CLSTN2: variants seen among roughly 807,000 people sequenced by gnomAD.
CLSTN2 encodes calsyntenin 2.
A neutral mutation model predicts 101.2 loss-of-function variants in CLSTN2; 48 were observed. The ratio of observed to expected loss-of-function variants is 0.47; its 90% CI spans 0.38 to 0.60. The LOEUF is 0.60. Among genes scored for constraint, CLSTN2 ranks in the 20% least tolerant of loss-of-function variants. CLSTN2 has a pLI of 0.00. For synonymous variants in CLSTN2, 481 were observed against 463.6 expected (o/e 1.04, Z -0.48); for missense variants, 1,160 against 1,238.2 (o/e 0.94, Z 0.95).
At chr3:140,343,067 GT>G (rs912552265) in intron 2 of CLSTN2, among the ~76,000 whole-genome samples, 1 of 152,138 alleles carries the variant, frequency 6.6e-6, no homozygotes, top group African/African-American at 2.4e-5. Context: ...GGCAGGGTAC[GT>G]TTTTGTGGCC....
At chr3:140,470,363 A>G (rs996114886) in intron 8 of CLSTN2, among the ~76,000 whole-genome samples, 2 of 152,244 alleles carry the variant, frequency 1.3e-5, no homozygotes, top group Admixed American at 6.5e-5. Flanking sequence ...GTGGAAGCCC[A>G]TGCAGGGGCA....
In CLSTN2 at chr3:140,100,679, G is replaced by A. The variant is rs1476872021; in HGVS notation, c.110-75272G>A. 2.6e-5 allele frequency among the ~76,000 whole-genome samples: 4 copies of A among 152,346 alleles called. No individual in the cohort carries two copies. In the South Asian group the frequency reaches 6.2e-4, roughly 24 times the overall value. Reference sequence around the variant, plus strand: ...GATCCAGGCTGTGTGTGGGCCACACGCATAATCCTGTCTGTGGGTGGAGAA... The same window carrying A: ...GATCCAGGCTGTGTGTGGGCCACACACATAATCCTGTCTGTGGGTGGAGAA... On this transcript the variant is annotated intron_variant, in intron 1 of 16. Transcript: ENST00000458420.
intron 2 of CLSTN2, among the ~76,000 whole-genome samples, chr3:140,316,758 C>G (rs779193862): frequency 6.6e-6 from 1 of 152,066 alleles, no homozygotes; most frequent in Admixed American, 6.5e-5. Context: ...GCTGTAATTG[C>G]CTTGGAGGCA....
intron 1 of CLSTN2, among the ~76,000 whole-genome samples, chr3:140,127,256 C>A (rs558090966): frequency 1.4e-4 from 21 of 152,196 alleles, no homozygotes; most frequent in Middle Eastern, 3.4e-3. Context: ...TGACCCGGGG[C>A]AAATTGCTTA....
intron 2 of CLSTN2, among the ~76,000 whole-genome samples, chr3:140,227,914 T>G (rs1203657497): frequency 6.6e-6 from 1 of 152,146 alleles, no homozygotes; most frequent in Non-Finnish European, 1.5e-5. Flanking sequence ...ACAGCATAGG[T>G]ACCCTGGGCC....
intron 4 of CLSTN2, among the ~76,000 whole-genome samples, chr3:140,409,655 C>T (rs1172628082): frequency 2.6e-5 from 4 of 152,150 alleles, no homozygotes. Flanking sequence ...GGATCAGGGA[C>T]ATGTGGTAGC....
intron 2 of CLSTN2, among the ~76,000 whole-genome samples, chr3:140,337,436 C>G (rs908875149): frequency 2.0e-4 from 30 of 152,194 alleles, no homozygotes; most frequent in Admixed American, 1.4e-3. Context: ...CAAATCTCCT[C>G]TTCTTTTAAG....
chr3:140,502,078 A>C (rs1466798059), intron 8 of CLSTN2, among the ~76,000 whole-genome samples: 2 of 152,250 alleles, frequency 1.3e-5, no homozygotes, highest in Non-Finnish European at 2.9e-5. Flanking sequence ...CAAAGATCTT[A>C]GCCCAGGGTA....
intron 2 of CLSTN2, among the ~76,000 whole-genome samples, chr3:140,251,644 T>G (rs1010247473): frequency 1.2e-4 from 19 of 152,020 alleles, no homozygotes; most frequent in Admixed American, 4.6e-4. Context: ...TTTCCTCTTT[T>G]TGCTTCCCCT....
At position 140,201,552 on chromosome 3, in the gene CLSTN2, T is replaced by C. The variant is rs76418137; in HGVS notation, c.232+25479T>C. ...GCATGGGGAATCAAAGTGTCATACCTTAGCCACTGAGAGACTAACTCTCAA... is the reference window on the plus strand; with the variant it reads ...GCATGGGGAATCAAAGTGTCATACCCTAGCCACTGAGAGACTAACTCTCAA... On this transcript the variant is annotated intron_variant, in intron 2 of 16. Transcript: ENST00000458420. 7.0e-3 allele frequency among the ~76,000 whole-genome samples: 1,072 copies of C among 152,314 alleles called. 12 individuals carry two copies. The highest frequency in any genetic ancestry group is 0.034 in the Middle Eastern group (10 of 292).
chr3:140,489,613 T>G, intron 8 of CLSTN2, among the ~76,000 whole-genome samples: 1 of 151,998 alleles, frequency 6.6e-6, no homozygotes, highest in East Asian at 1.9e-4. Flanking sequence ...TGACAATGTT[T>G]AAACACCCAC....
intron 2 of CLSTN2, among the ~76,000 whole-genome samples, chr3:140,185,923 T>G (rs868211648): frequency 6.6e-6 from 1 of 152,188 alleles, no homozygotes; most frequent in African/African-American, 2.4e-5. Context: ...AAATCATCTT[T>G]GTTGTTGCAC....
chr3:140,502,086 G>T (rs1166837695), intron 8 of CLSTN2, among the ~76,000 whole-genome samples: 1 of 152,198 alleles, frequency 6.6e-6, no homozygotes, highest in African/African-American at 2.4e-5. Flanking sequence ...TTAGCCCAGG[G>T]TATGGCACAA....
At chr3:140,303,405 C>G (rs553544331) in intron 2 of CLSTN2, among the ~76,000 whole-genome samples, 62 of 152,174 alleles carry the variant, frequency 4.1e-4, no homozygotes, top group African/African-American at 1.4e-3. Flanking sequence ...GACTCTAGTC[C>G]CAGCTCTGCG....
chr3:140,320,656 G>A (rs557075485), intron 2 of CLSTN2, among the ~76,000 whole-genome samples: 1 of 151,100 alleles, frequency 6.6e-6, no homozygotes, highest in Non-Finnish European at 1.5e-5. Context: ...TGTATTATAT[G>A]TATTTATATG....
chr3:139,987,185 T>G (rs779136024), intron 1 of CLSTN2, among the ~76,000 whole-genome samples: 2 of 152,168 alleles, frequency 1.3e-5, no homozygotes, highest in Non-Finnish European at 2.9e-5. Flanking sequence ...TCATATAACT[T>G]AAAAAGATAG....
intron 2 of CLSTN2, among the ~76,000 whole-genome samples, chr3:140,214,139 T>C (rs541460965): frequency 6.6e-6 from 1 of 152,016 alleles, no homozygotes; most frequent in East Asian, 1.9e-4. Context: ...TCAACTTCCT[T>C]ATCTATAAAA....
At chr3:140,121,203 C>T (rs905583462) in intron 1 of CLSTN2, among the ~76,000 whole-genome samples, 1 of 152,100 alleles carries the variant, frequency 6.6e-6, no homozygotes, top group Non-Finnish European at 1.5e-5. Flanking sequence ...TCAAGATAGA[C>T]GGGGTTCTTG....
intron 2 of CLSTN2, among the ~76,000 whole-genome samples, chr3:140,224,278 A>G (rs1030170661): frequency 6.6e-6 from 1 of 152,240 alleles, no homozygotes; most frequent in Non-Finnish European, 1.5e-5. Context: ...TACAGAAGAC[A>G]GTAACGATAG....
Sources: gnomAD v4.1 joint callset for allele counts (sites outside exome capture counted in the v4.1 genomes callset) on GRCh38, gnomAD v4.1.1 for gene constraint, MANE v1.5 for transcripts, NCBI Gene and HGNC (gene_info 2026-07-23, HGNC 2026-07-21) for gene names.